The following CLYBL variants were observed in gnomAD, a reference collection of about 807,000 sequenced individuals.
CLYBL encodes citramalyl-CoA lyase.
CLYBL carries 31 observed loss-of-function variants against 38.9 expected under a neutral mutation model. The ratio of observed to expected loss-of-function variants is 0.80; its 90% CI spans 0.60 to 1.08. The LOEUF is 1.08. CLYBL is among the 50% of genes least tolerant of loss of function. The pLI is 0.00. For synonymous variants in CLYBL, 171 were observed against 158.6 expected (o/e 1.08, Z -0.59); for missense variants, 434 against 411.6 (o/e 1.05, Z -0.47).
At chr13:99,747,246 C>G (rs1441044718) in intron 1 of CLYBL, among the ~76,000 whole-genome samples, 6 of 101,008 alleles carry the variant, frequency 5.9e-5, no homozygotes, top group Non-Finnish European at 9.9e-5. Context: ...CTTTCTTTTC[C>G]TCCTCCCCTC....
At chr13:99,776,467 G>A (rs2049519045) in intron 2 of CLYBL, among the ~76,000 whole-genome samples, 2 of 150,782 alleles carry the variant, frequency 1.3e-5, no homozygotes, top group South Asian at 4.2e-4. Context: ...CTGCACTTCA[G>A]CCTGGGTGAC....
At chr13:99,847,888 G>A (rs1276664313) in intron 2 of CLYBL, among the ~76,000 whole-genome samples, 1 of 152,170 alleles carries the variant, frequency 6.6e-6, no homozygotes, top group Non-Finnish European at 1.5e-5. Context: ...TCTCCCCAAT[G>A]GAACGGAGCG....
At chr13:99,796,870 T>A (rs1275759220) in intron 2 of CLYBL, among the ~76,000 whole-genome samples, 1 of 152,118 alleles carries the variant, frequency 6.6e-6, no homozygotes. Flanking sequence ...ATCTAGTCAG[T>A]CACCACACCC....
chr13:99,753,055 G>T (rs984911030), intron 1 of CLYBL, among the ~76,000 whole-genome samples: 3 of 152,146 alleles, frequency 2.0e-5, no homozygotes, highest in Admixed American at 6.5e-5. Flanking sequence ...GCTGAGCCTT[G>T]AGGGATGAGA....
chr13:99,727,554 C>G (rs1187738046), intron 1 of CLYBL: 1 of 151,438 alleles, frequency 6.6e-6, no homozygotes, highest in African/African-American at 2.4e-5. Flanking sequence ...TCCAACAAAC[C>G]TCCTTCAGGT....
chr13:99,607,809 T>C (rs1193795282), intron 1 of CLYBL, among the ~76,000 whole-genome samples: 2 of 152,104 alleles, frequency 1.3e-5, no homozygotes, highest in Non-Finnish European at 2.9e-5. Context: ...AGTGGTGTAA[T>C]CTCGGCTTAC....
chr13:99,857,994 A>G (rs2051500990), intron 2 of CLYBL, among the ~76,000 whole-genome samples: 2 of 152,136 alleles, frequency 1.3e-5, no homozygotes, highest in Admixed American at 1.3e-4. Context: ...GCAGGAAGTA[A>G]TGACCCCCAG....
intron 2 of CLYBL, among the ~76,000 whole-genome samples, chr13:99,792,916 C>A (rs896435874): frequency 1.3e-5 from 2 of 152,038 alleles, no homozygotes; most frequent in Non-Finnish European, 2.9e-5. Context: ...TATTAGTACT[C>A]TTTATTATTA....
intron 2 of CLYBL, among the ~76,000 whole-genome samples, chr13:99,817,003 C>G (rs774817777): frequency 8.5e-5 from 13 of 152,146 alleles, no homozygotes; most frequent in Admixed American, 8.5e-4. Context: ...CGAATGACCC[C>G]GGAAATGTGA....
intron 2 of CLYBL, among the ~76,000 whole-genome samples, chr13:99,817,317 G>A (rs1397268864): frequency 6.6e-6 from 1 of 152,148 alleles, no homozygotes; most frequent in Non-Finnish European, 1.5e-5. Flanking sequence ...AAGGAGAGGG[G>A]AGGAGAGTGG....
At chr13:99,676,182 GTCCGTCCTTCCTTCCTTCCTTCCTTCCT>G (rs1408638199) in intron 1 of CLYBL, among the ~76,000 whole-genome samples, 4 of 84,734 alleles carry the variant, frequency 4.7e-5, no homozygotes, top group Non-Finnish European at 1.1e-4. Context: ...CCTTCCCTCC[GTCCGTCCTTCCTTCCTTCCTTCCTTCCT>G]TCCTTCCTTC....
At chr13:99,707,960 A>G (rs952485180) in intron 1 of CLYBL, among the ~76,000 whole-genome samples, 2 of 152,080 alleles carry the variant, frequency 1.3e-5, no homozygotes, top group Non-Finnish European at 2.9e-5. Flanking sequence ...TAGGGACTCT[A>G]CAAGAGTGCT....
intron 1 of CLYBL, among the ~76,000 whole-genome samples, chr13:99,686,814 A>G (rs576043860): frequency 6.6e-6 from 1 of 152,310 alleles, no homozygotes; most frequent in Admixed American, 6.5e-5. Flanking sequence ...TATGCCACCA[A>G]TTTAAAGTGT....
intron 1 of CLYBL, among the ~76,000 whole-genome samples, chr13:99,765,904 T>G (rs889854328): frequency 2.0e-5 from 3 of 148,824 alleles, no homozygotes; most frequent in African/African-American, 7.5e-5. Context: ...TGGGCTAGAG[T>G]GCAGTGGTGT....
chr13:99,628,430 G>A (rs561956135), intron 1 of CLYBL, among the ~76,000 whole-genome samples: 3 of 152,344 alleles, frequency 2.0e-5, no homozygotes, highest in African/African-American at 7.2e-5. Flanking sequence ...GCAATATTGA[G>A]TGGAAAAGTT....
intron 1 of CLYBL, among the ~76,000 whole-genome samples, chr13:99,626,163 T>C (rs201166193): frequency 6.6e-6 from 1 of 151,836 alleles, no homozygotes; most frequent in Non-Finnish European, 1.5e-5. Flanking sequence ...GAGGCAGGGG[T>C]GGCTTTTGGA....
Position 99,866,247 on chromosome 13 carries a change from A to C in CLYBL, c.642A>C (p.Thr214=). The C allele has an allele frequency of 6.2e-7, 1 of 1,613,622 alleles. No homozygotes were observed. The highest frequency in any genetic ancestry group is 8.5e-7 in the Non-Finnish European group (1 of 1,179,968). ...GEDFRASIGA[T]SSKETLDILY... ...TTAACATCCCATTTTCAGGTGCAACAAGTAGTAAAGAAACCCTGGATATTC... is the reference window on the plus strand; with the variant it reads ...TTAACATCCCATTTTCAGGTGCAACCAGTAGTAAAGAAACCCTGGATATTC... The change falls in exon 6 of 9, where the codon ACA becomes ACC. Residue 214 remains threonine (T), a synonymous_variant. Coordinates refer to ENST00000339105, the MANE Select transcript of CLYBL (RefSeq NM_206808.5).
intron 1 of CLYBL, among the ~76,000 whole-genome samples, chr13:99,674,830 A>G (rs1369519475): frequency 6.6e-6 from 1 of 152,204 alleles, no homozygotes; most frequent in Admixed American, 6.5e-5. Context: ...GGGTGATTGC[A>G]CCAGATGTTG....
intron 1 of CLYBL, among the ~76,000 whole-genome samples, chr13:99,702,270 C>T (rs2048078271): frequency 6.6e-6 from 1 of 152,134 alleles, no homozygotes; most frequent in South Asian, 2.1e-4. Flanking sequence ...GTATGCGCCA[C>T]TCCGCTCAGC....
Sources: allele counts gnomAD v4.1 joint callset (sites outside exome capture counted in the v4.1 genomes callset), GRCh38; gene constraint gnomAD v4.1.1; transcripts MANE v1.5; gene names NCBI Gene and HGNC (gene_info 2026-07-23, HGNC 2026-07-21).